The following OTOG variants were observed in gnomAD, a reference collection of about 807,000 sequenced individuals.
The protein encoded by OTOG is otogelin.
A neutral mutation model predicts 313.8 loss-of-function variants in OTOG; 296 were observed. The observed-to-expected ratio is 0.94, with a 90% CI of 0.86 to 1.04. The LOEUF (loss-of-function observed/expected upper bound fraction) is 1.04. Ranked by LOEUF, OTOG falls within the 50% of genes least tolerant of loss-of-function variation. The pLI is 0.00. For missense variants in OTOG, 3,948 were observed against 3,840.1 expected, an observed-to-expected ratio of 1.03 and a Z score of -0.74; for synonymous variants, 1,533 against 1,554.9, an observed-to-expected ratio of 0.99 and a Z score of 0.33.
At chr11:17,558,796 C>T (rs1055767689) in intron 10 of OTOG, among the ~76,000 whole-genome samples, 152 bp downstream of exon 10, 1 of 152,218 alleles carries the variant, frequency 6.6e-6, no homozygotes, top group African/African-American at 2.4e-5. Flanking sequence ...CAGAGCTGCC[C>T]CATTCAACTG....
At chr11:17,547,671 A>G (rs1421912016) in intron 1 of OTOG, 6 of 985,724 alleles carry the variant, frequency 6.1e-6, no homozygotes, top group Non-Finnish European at 7.9e-6. Flanking sequence ...AAAGAGTCCA[A>G]AGTTAGGCTG....
intron 32 of OTOG, among the ~76,000 whole-genome samples, chr11:17,604,315 C>A (rs1041929364): frequency 6.6e-6 from 1 of 152,246 alleles, no homozygotes; most frequent in Non-Finnish European, 1.5e-5. Context: ...TCCGGGCCAA[C>A]CCCGCCTTCT....
chr11:17,548,594 G>T (rs1306697006), intron 3 of OTOG, among the ~76,000 whole-genome samples: 6 of 152,056 alleles, frequency 3.9e-5, no homozygotes, highest in Non-Finnish European at 5.9e-5. Context: ...AACCCTGTCA[G>T]AGGCTCCTCT....
At chr11:17,591,720 C>T in intron 25 of OTOG, 132 bp downstream of exon 25, 1 of 1,204,342 alleles carries the variant, frequency 8.3e-7, no homozygotes, top group South Asian at 1.5e-5. Flanking sequence ...TATCTAGAGA[C>T]TGGAAGAAGT....
chr11:17,640,543 C>A (rs1179999932), intron 49 of OTOG, among the ~76,000 whole-genome samples: 1 of 152,212 alleles, frequency 6.6e-6, no homozygotes, highest in Admixed American at 6.5e-5. Context: ...GGAGAGGACA[C>A]TGGACAGTGC....
intron 28 of OTOG, among the ~76,000 whole-genome samples, chr11:17,594,821 C>CAA (rs34049883): frequency 0.056 from 8,500 of 152,170 alleles, 324 homozygotes; most frequent in African/African-American, 0.1. Context: ...CATTCCTCTG[C>CAA]AGAGAGGGGA....
rs1852172975 is a variant in OTOG at position 17,561,125 on chromosome 11, G to A, written c.1486G>A (p.Ala496Thr). 2.6e-6 allele frequency: 4 copies of A among 1,550,460 alleles called. No individual in the cohort carries two copies. The highest frequency in any genetic ancestry group is 3.5e-6 in the Non-Finnish European group (4 of 1,146,976). ...CTCAGGCAAGTGGGAGTGCAGCACA[G>A]CTGTCTGCCCAGGTATGTCTGCCCC... Reference protein sequence around the residue: ...CTSGKWECSTAVCPAECSVTG... With the variant: ...CTSGKWECSTTVCPAECSVTG... Residue 496 changes from alanine to threonine, a missense_variant, in exon 14 of 56, where the codon GCT becomes ACT. Ala to Thr is a moderately conservative substitution (Grantham distance 58). Transcript: ENST00000399397.
chr11:17,567,406 A>G (rs1852311783), intron 15 of OTOG, among the ~76,000 whole-genome samples: 1 of 152,274 alleles, frequency 6.6e-6, no homozygotes, highest in South Asian at 2.1e-4. Flanking sequence ...CTCCTGGTTC[A>G]CTTTCTCAGG....
intron 37 of OTOG, 92 bp downstream of exon 37, chr11:17,612,422 C>G: frequency 6.2e-6 from 9 of 1,440,136 alleles, no homozygotes; most frequent in Non-Finnish European, 8.3e-6. Flanking sequence ...CCCAGACTCC[C>G]CTCCTGTGGG....
chr11:17,613,533 C>G (rs1590044100), intron 38 of OTOG, 79 bp from the exon 39 acceptor site: 1 of 1,214,918 alleles, frequency 8.2e-7, no homozygotes, highest in Non-Finnish European at 1.2e-6. Flanking sequence ...AGACTGTACT[C>G]ACATTTGCTG....
Position 17,631,914 on chromosome 11 carries a change from C to T in OTOG, c.6925C>T (p.His2309Tyr). Reference protein sequence around the residue: ...MVSNRTFSACHRFVPPESFCE... With the variant: ...MVSNRTFSACYRFVPPESFCE... Reference sequence around the variant, plus strand: ...GTCCAACCGCACCTTCAGTGCCTGCCACCGCTTTGTATGTGCCAACTGGGT... The same window carrying T: ...GTCCAACCGCACCTTCAGTGCCTGCTACCGCTTTGTATGTGCCAACTGGGT... Residue 2309 changes from histidine (H) to tyrosine (Y), a missense_variant, in exon 41 of 56, where the codon CAC becomes TAC. By Grantham distance (83) the His-to-Tyr change is moderately conservative. Coordinates refer to ENST00000399397, the MANE Select transcript of OTOG (RefSeq NM_001292063.2). 6.5e-7 allele frequency: 1 copy of T among 1,549,768 alleles called. No individual in the cohort carries two copies. The highest frequency in any genetic ancestry group is 1.4e-5 in the African/African-American group (1 of 73,176).
chr11:17,635,094 C>A lies in OTOG; in HGVS notation c.7600C>A (p.Leu2534Ile). ...PSYSCECDPD[L>I]CEAELVPSCR... ...CTTTTCCCCAGAGTGTGACCCAGAT[C>A]TCTGTGAGGCAGAGCTGGTCCCCAG... Residue 2534 changes from leucine to isoleucine, a missense_variant, in exon 46 of 56, where the codon CTC becomes ATC. Leu to Ile is a conservative substitution (Grantham distance 5). Transcript: ENST00000399397. 1.3e-6 allele frequency: 2 copies of A among 1,548,982 alleles called. No homozygotes were observed. The highest frequency in any genetic ancestry group is 1.7e-6 in the Non-Finnish European group (2 of 1,146,240).
At chr11:17,569,887 A>G (rs1180070784) in intron 16 of OTOG, among the ~76,000 whole-genome samples, 1 of 152,246 alleles carries the variant, frequency 6.6e-6, no homozygotes, top group African/African-American at 2.4e-5. Context: ...GAGAATGGGT[A>G]GTTACAGAAT....
At chr11:17,602,953 G>A (rs1053128836) in intron 32 of OTOG, among the ~76,000 whole-genome samples, 4 of 152,228 alleles carry the variant, frequency 2.6e-5, no homozygotes, top group Non-Finnish European at 5.9e-5. Context: ...GGAGAGCCTT[G>A]TTAAAATAGA....
At chr11:17,635,808 G>A (rs1854252000) in intron 47 of OTOG, 97 bp downstream of exon 47, 1 of 1,020,280 alleles carries the variant, frequency 9.8e-7, no homozygotes, top group African/African-American at 1.6e-5. Flanking sequence ...GAGCAACAGA[G>A]CGCCCCCAGG....
At chr11:17,576,420 CAT>C in intron 20 of OTOG, 134 bp from the exon 21 acceptor site, 2 of 700,344 alleles carry the variant, frequency 2.9e-6, no homozygotes, top group South Asian at 3.3e-5. Context: ...AGATGTGTCA[CAT>C]GTCACTGTAG....
intron 32 of OTOG, among the ~76,000 whole-genome samples, chr11:17,603,635 G>T (rs1372014413): frequency 6.6e-6 from 1 of 152,168 alleles, no homozygotes; most frequent in African/African-American, 2.4e-5. Context: ...CTTCTCCTGG[G>T]CTGTGCCCAG....
rs568040033 is a variant in OTOG at position 17,596,056 on chromosome 11, C to A, written c.3427C>A (p.Pro1143Thr). The stretch of plus-strand genomic sequence containing the variant: ...CCCTCAGTGCCCAGACACCCTCGAT[C>A]CTCGGGATATGTGTGTCCTGAATCC... ...AAVECPDTLDPRDMCVLNPLR... is the reference protein window; with the variant it reads ...AAVECPDTLDTRDMCVLNPLR... Residue 1143 changes from proline (P) to threonine (T), a missense_variant, in exon 29 of 56, where the codon CCT (proline) becomes ACT (threonine). Pro to Thr is a conservative substitution (Grantham distance 38, BLOSUM62 -1). Coordinates refer to ENST00000399397, the MANE Select transcript of OTOG (RefSeq NM_001292063.2). 6.4e-7 allele frequency: 1 copy of A among 1,550,832 alleles called. No individual in the cohort carries two copies. The highest frequency in any genetic ancestry group is 2.0e-5 in the Admixed American group (1 of 51,004).
At chr11:17,607,149 C>T (rs1360593823) in intron 33 of OTOG, among the ~76,000 whole-genome samples, 3 of 152,236 alleles carry the variant, frequency 2.0e-5, no homozygotes, top group African/African-American at 4.8e-5. Context: ...GGCTGTGTCT[C>T]GCGGGCTTTG....
Sources: allele counts gnomAD v4.1 joint callset (sites outside exome capture counted in the v4.1 genomes callset), GRCh38; gene constraint gnomAD v4.1.1; transcripts MANE v1.5; gene names NCBI Gene and HGNC (gene_info 2026-07-23, HGNC 2026-07-21).